EPHA4: variants seen among roughly 807,000 people sequenced by gnomAD.
EPHA4 encodes ephrin type-A receptor 4.
A neutral mutation model predicts 108.3 loss-of-function variants in EPHA4; 19 were observed. That is an observed-to-expected ratio of 0.18 (90% CI 0.12 to 0.26). The LOEUF (loss-of-function observed/expected upper bound fraction) is 0.26. Ranked by LOEUF, EPHA4 falls within the 10% of genes least tolerant of loss-of-function variation. The pLI is 1.00. For synonymous variants in EPHA4, 449 were observed against 455.5 expected, an observed-to-expected ratio of 0.99 and a Z score of 0.18; for missense variants, 917 against 1,254.0, an observed-to-expected ratio of 0.73 and a Z score of 4.06.
intron 3 of EPHA4, among the ~76,000 whole-genome samples, chr2:221,535,250 CA>C (rs1693632813): frequency 6.6e-6 from 1 of 152,194 alleles, no homozygotes; most frequent in South Asian, 2.1e-4. Flanking sequence ...GTGAAAAATT[CA>C]GATCACAGAC....
Position 221,572,304 on chromosome 2 carries a change from T to A in EPHA4, c.-56A>T. 1 of 1,488,560 alleles carries A rather than the reference T, an allele frequency of 6.7e-7. No individual in the cohort carries two copies. Among genetic ancestry groups the A allele is most frequent in the Non-Finnish European group, 9.4e-7 (1 of 1,067,124 alleles). 92.2% of individuals were successfully genotyped at this position (1,488,560 alleles called of 1,614,324 possible). ...CTTCTATCCCAGTGGAATAAATGCT[T>A]AAGTTAGGAGAGCAGCGGGCTGAAG... On this transcript the variant is annotated 5_prime_UTR_variant, in exon 1 of 18. Transcript: ENST00000281821.
intron 5 of EPHA4, among the ~76,000 whole-genome samples, chr2:221,468,122 AGTT>A (rs1442014727): frequency 6.6e-6 from 1 of 152,024 alleles, no homozygotes; most frequent in Non-Finnish European, 1.5e-5. Flanking sequence ...TTCCACTCTT[AGTT>A]GAAATTATTT....
intron 2 of EPHA4, among the ~76,000 whole-genome samples, chr2:221,566,848 GAGAAGGAGAAGAAGAAGAAGAAGA>G (rs1559297043): frequency 1.8e-4 from 7 of 39,512 alleles, no homozygotes; most frequent in Non-Finnish European, 3.0e-4. Context: ...GAAGGAGAAG[GAGAAGGAGAAGAAGAAGAAGAAGA>G]AGAAGGAGAA....
chr2:221,453,853 C>G (rs1183165796), intron 8 of EPHA4, among the ~76,000 whole-genome samples: 2 of 152,098 alleles, frequency 1.3e-5, no homozygotes, highest in Non-Finnish European at 2.9e-5. Context: ...TACCAGGACA[C>G]TTTAGAGAGT....
chr2:221,446,012 A>G (rs545187349), intron 9 of EPHA4, 111 bp downstream of exon 9: 1 of 492,848 alleles, frequency 2.0e-6, no homozygotes, highest in South Asian at 6.1e-5. Context: ...AGGAATAAAT[A>G]TATTATATTA....
chr2:221,552,127 G>A (rs1694180643), intron 3 of EPHA4, among the ~76,000 whole-genome samples: 1 of 152,096 alleles, frequency 6.6e-6, no homozygotes, highest in African/African-American at 2.4e-5. Flanking sequence ...ACCAGAGGCT[G>A]CTTATGTCTT....
Position 221,427,746 on chromosome 2 carries a change from C to G in EPHA4, c.2691-1127G>C, listed in dbSNP as rs1689954563. 4.6e-5 allele frequency among the ~76,000 whole-genome samples: 7 copies of G among 152,272 alleles called. No homozygotes were observed. The South Asian group carries it at 1.4e-3, about 32-fold the overall frequency. On this transcript the variant is annotated intron_variant, in intron 15 of 17. Transcript: ENST00000281821. ...TACTACTAAATTTTCAACCAAAAAACTCTTTCCTTGTAAAAACAAAATTAA... is the reference window on the plus strand; with the variant it reads ...TACTACTAAATTTTCAACCAAAAAAGTCTTTCCTTGTAAAAACAAAATTAA...
At chr2:221,496,795 G>C (rs1257027696) in intron 4 of EPHA4, among the ~76,000 whole-genome samples, 1 of 152,082 alleles carries the variant, frequency 6.6e-6, no homozygotes, top group Non-Finnish European at 1.5e-5. Context: ...TGTAATCCCA[G>C]CTACTTGGGA....
intron 1 of EPHA4, among the ~76,000 whole-genome samples, 155 bp from the exon 2 acceptor site, chr2:221,568,940 AC>A (rs1694750294): frequency 6.6e-6 from 1 of 152,150 alleles, no homozygotes; most frequent in South Asian, 2.1e-4. Flanking sequence ...AATAATCATT[AC>A]TCATTTGATC....
rs370483510 is a variant in EPHA4 at position 221,559,520 on chromosome 2, C to A, written c.823+4211G>T. 2.6e-5 allele frequency among the ~76,000 whole-genome samples: 4 copies of A among 152,066 alleles called. No homozygotes were observed. In the East Asian group the frequency reaches 5.8e-4, roughly 22 times the overall value. ...GCCAGGAGTTCAAGACCAGCCTAGG[C>A]AACAGAGTGAGACTTCATCTCTTAT... On this transcript the variant is annotated intron_variant, in intron 3 of 17. Coordinates refer to ENST00000281821, the MANE Select transcript of EPHA4 (RefSeq NM_004438.5).
Position 221,495,321 on chromosome 2 carries a change from A to C in EPHA4, c.979+5696T>G, listed in dbSNP as rs75138909. Among the ~76,000 whole-genome samples, 227 of 152,292 alleles carry C rather than the reference A, an allele frequency of 1.5e-3. 5 individuals carry two copies. Among genetic ancestry groups the C allele is most frequent in the East Asian group, 9.9e-3 (51 of 5,172 alleles). ...ACAGGTCTGAAAGTTACAGGCATCA[A>C]AACAGAATCTCCTGTCTCCTGACAG... On this transcript the variant is annotated intron_variant, in intron 4 of 17. Coordinates refer to ENST00000281821, the MANE Select transcript of EPHA4 (RefSeq NM_004438.5).
intron 5 of EPHA4, among the ~76,000 whole-genome samples, chr2:221,461,146 T>TG (rs1298226536): frequency 2.0e-5 from 3 of 152,186 alleles, no homozygotes; most frequent in Non-Finnish European, 1.5e-5. Context: ...ATTCTGACCT[T>TG]GGAGTACTCA....
rs893607656 is a variant in EPHA4 at position 221,512,143 on chromosome 2, A to AT, written c.824-10972dup. Among the ~76,000 whole-genome samples the AT allele has an allele frequency of 1.3e-3, 193 of 152,308 alleles. 3 individuals carry two copies. The highest frequency in any genetic ancestry group is 3.1e-4 in the Non-Finnish European group (21 of 68,020). ...CTTAATTGAATGACTCTATAATAAT[A>AT]TTTTTAAGTCACAAAAGCCAAGTAA... On this transcript the variant is annotated intron_variant, in intron 3 of 17. Transcript: ENST00000281821.
At chr2:221,486,938 G>A (rs1020344871) in intron 4 of EPHA4, among the ~76,000 whole-genome samples, 4 of 151,924 alleles carry the variant, frequency 2.6e-5, no homozygotes, top group African/African-American at 7.2e-5. Context: ...AGCCTTCTCC[G>A]AGCCAAAGCT....
intron 3 of EPHA4, among the ~76,000 whole-genome samples, chr2:221,529,454 C>G (rs971268365): frequency 6.6e-6 from 1 of 152,176 alleles, no homozygotes; most frequent in Non-Finnish European, 1.5e-5. Flanking sequence ...CACCTAAACA[C>G]GCTGACTTGT....
At chr2:221,460,618 A>G (rs540913923) in intron 5 of EPHA4, among the ~76,000 whole-genome samples, 91 of 152,342 alleles carry the variant, frequency 6.0e-4, no homozygotes, top group African/African-American at 1.7e-3. Flanking sequence ...GGGCTTTGCC[A>G]TACTGCCACT....
intron 3 of EPHA4, among the ~76,000 whole-genome samples, chr2:221,504,694 C>T (rs1488744117): frequency 6.6e-6 from 1 of 151,954 alleles, no homozygotes; most frequent in African/African-American, 2.4e-5. Context: ...AAATAAATAT[C>T]AAGTATTCAT....
chr2:221,434,506 A>C (rs2106096879), intron 13 of EPHA4, among the ~76,000 whole-genome samples: 1 of 152,298 alleles, frequency 6.6e-6, no homozygotes, highest in East Asian at 1.9e-4. Context: ...AAGTAATCTA[A>C]TTATGTTTTT....
At chr2:221,500,394 T>C (rs1177592345) in intron 4 of EPHA4, among the ~76,000 whole-genome samples, 6 of 152,182 alleles carry the variant, frequency 3.9e-5, no homozygotes, top group Admixed American at 3.3e-4. Context: ...AAAGGAATGG[T>C]AACACCTAGG....
Sources: allele counts gnomAD v4.1 joint callset (sites outside exome capture counted in the v4.1 genomes callset), GRCh38; gene constraint gnomAD v4.1.1; transcripts MANE v1.5; gene names NCBI Gene and HGNC (gene_info 2026-07-23, HGNC 2026-07-21).